Variants in CNTNAP5 observed in about 807,000 individuals in gnomAD.
The protein encoded by CNTNAP5 is contactin associated protein family member 5, also known as contactin-associated protein-like 5.
In CNTNAP5, 72 loss-of-function variants were observed where a neutral mutation model predicts 150.2. The observed-to-expected ratio is 0.48, with a 90% confidence interval of 0.40 to 0.58. The LOEUF (loss-of-function observed/expected upper bound fraction) is 0.58, where lower values mean the gene tolerates loss of function less well. Ranked by LOEUF, CNTNAP5 falls within the 20% of genes least tolerant of loss-of-function variation. The pLI, the probability that CNTNAP5 is intolerant of heterozygous loss-of-function variation, is 0.00. For missense variants in CNTNAP5, 1,636 were observed against 1,626.2 expected (o/e 1.01, Z -0.10); for synonymous variants, 672 against 619.8 (o/e 1.08, Z -1.25).
chr2:124,383,977 T>C (rs1690867144), intron 3 of CNTNAP5, among the ~76,000 whole-genome samples: 1 of 152,224 alleles, frequency 6.6e-6, no homozygotes. Flanking sequence ...GTTTTTCACA[T>C]TTCATTCATC....
chr2:124,816,898 C>A (rs986076659), intron 19 of CNTNAP5, among the ~76,000 whole-genome samples: 2 of 152,210 alleles, frequency 1.3e-5, no homozygotes, highest in Admixed American at 6.5e-5. Context: ...CCTAATCATG[C>A]GAATGATATC....
chr2:124,474,896 T>C lies in CNTNAP5; in HGVS notation c.1062+14T>C. ...ATCTATACTGTGGTAAGTCAGCCCA[T>C]CTGTTTTGTCTTGATGGTTTCTACC... On this transcript the variant is annotated intron_variant, in intron 7 of 23. Coordinates refer to ENST00000682447, the MANE Select transcript of CNTNAP5 (RefSeq NM_001367498.1). 3 of 1,585,730 alleles carry C rather than the reference T, an allele frequency of 1.9e-6. No individual in the cohort carries two copies. Among genetic ancestry groups the C allele is most frequent in the Non-Finnish European group, 2.6e-6 (3 of 1,171,296 alleles).
intron 1 of CNTNAP5, among the ~76,000 whole-genome samples, chr2:124,041,588 G>T (rs1681373819): frequency 6.6e-6 from 1 of 152,030 alleles, no homozygotes; most frequent in African/African-American, 2.4e-5. Flanking sequence ...TCAGATTAGT[G>T]GTTTTCAATC....
intron 1 of CNTNAP5, among the ~76,000 whole-genome samples, chr2:124,190,771 T>G (rs1009014931): frequency 1.3e-5 from 2 of 152,202 alleles, no homozygotes; most frequent in Non-Finnish European, 2.9e-5. Flanking sequence ...AATATACAAG[T>G]ATTACACACA....
intron 9 of CNTNAP5, among the ~76,000 whole-genome samples, chr2:124,525,108 CAT>C (rs1227769486): frequency 1.3e-5 from 2 of 152,176 alleles, no homozygotes; most frequent in Non-Finnish European, 2.9e-5. Flanking sequence ...TGAAGAAAAA[CAT>C]AATTAGGCAT....
At chr2:124,402,042 T>C (rs1188739860) in intron 3 of CNTNAP5, among the ~76,000 whole-genome samples, 1 of 152,144 alleles carries the variant, frequency 6.6e-6, no homozygotes, top group Non-Finnish European at 1.5e-5. Flanking sequence ...TAGGAAGGGG[T>C]TCCAGGAGTG....
At chr2:124,320,164 C>T (rs892301245) in intron 3 of CNTNAP5, among the ~76,000 whole-genome samples, 2 of 152,170 alleles carry the variant, frequency 1.3e-5, no homozygotes, top group Non-Finnish European at 2.9e-5. Flanking sequence ...TATGCTGCCT[C>T]ATTTATTTCT....
intron 1 of CNTNAP5, among the ~76,000 whole-genome samples, chr2:124,102,276 T>A (rs1340062662): frequency 6.6e-6 from 1 of 152,130 alleles, no homozygotes; most frequent in East Asian, 1.9e-4. Context: ...AAAAGAGTAA[T>A]AGTAAGTAAA....
chr2:124,369,674 A>C (rs372918092), intron 3 of CNTNAP5, among the ~76,000 whole-genome samples: 1 of 152,196 alleles, frequency 6.6e-6, no homozygotes, highest in African/African-American at 2.4e-5. Flanking sequence ...AAATAAAGAC[A>C]AGGTTTGTAA....
chr2:124,768,900 C>A (rs796475909), intron 16 of CNTNAP5, among the ~76,000 whole-genome samples: 21 of 152,316 alleles, frequency 1.4e-4, no homozygotes, highest in African/African-American at 4.8e-4. Flanking sequence ...TGGCTGCCAT[C>A]AGATCCTTGA....
At chr2:124,289,992 A>G (rs1688246528) in intron 3 of CNTNAP5, among the ~76,000 whole-genome samples, 1 of 152,188 alleles carries the variant, frequency 6.6e-6, no homozygotes, top group Non-Finnish European at 1.5e-5. Context: ...GAAATATGTC[A>G]CATTTTAAAA....
intron 4 of CNTNAP5, among the ~76,000 whole-genome samples, chr2:124,421,980 C>T (rs927984246): frequency 6.6e-6 from 1 of 152,186 alleles, no homozygotes; most frequent in African/African-American, 2.4e-5. Context: ...TACTTCTTTC[C>T]TGTTTACCTA....
chr2:124,736,251 A>T (rs1470597288), intron 13 of CNTNAP5, among the ~76,000 whole-genome samples: 1 of 152,136 alleles, frequency 6.6e-6, no homozygotes, highest in African/African-American at 2.4e-5. Flanking sequence ...ACAAAACAAA[A>T]CAAAACAAAA....
intron 2 of CNTNAP5, among the ~76,000 whole-genome samples, chr2:124,236,367 G>T (rs1438179109): frequency 2.6e-5 from 4 of 152,158 alleles, no homozygotes; most frequent in African/African-American, 9.6e-5. Flanking sequence ...TCCTGCACCT[G>T]CCCAGGAGCA....
At chr2:124,543,611 T>C (rs1219771253) in intron 10 of CNTNAP5, among the ~76,000 whole-genome samples, 1 of 152,222 alleles carries the variant, frequency 6.6e-6, no homozygotes, top group African/African-American at 2.4e-5. Context: ...AGGTTTCACA[T>C]TAGCCCAGAA....
chr2:124,537,074 G>C (rs1695252417), intron 10 of CNTNAP5, among the ~76,000 whole-genome samples: 1 of 151,820 alleles, frequency 6.6e-6, no homozygotes, highest in Non-Finnish European at 1.5e-5. Context: ...GAGACAGAGA[G>C]ACTAATCTTC....
chr2:124,463,365 A>G (rs545102687), intron 6 of CNTNAP5, among the ~76,000 whole-genome samples: 63 of 152,210 alleles, frequency 4.1e-4, no homozygotes, highest in Non-Finnish European at 8.4e-4. Context: ...AGAGAAAGGA[A>G]CTGTAGGCCT....
chr2:124,730,703 T>A (rs1313966091), intron 13 of CNTNAP5, among the ~76,000 whole-genome samples: 2 of 152,108 alleles, frequency 1.3e-5, no homozygotes, highest in Non-Finnish European at 2.9e-5. Context: ...AAACCAAAAT[T>A]GCCAATTTCA....
intron 6 of CNTNAP5, among the ~76,000 whole-genome samples, chr2:124,450,556 C>CAAAA (rs11299541): frequency 3.1e-5 from 2 of 65,000 alleles, no homozygotes; most frequent in African/African-American, 6.2e-5. Context: ...AATCTGCTGT[C>CAAAA]AAAAAAAAAA....
Sources: allele counts gnomAD v4.1 joint callset (sites outside exome capture counted in the v4.1 genomes callset), GRCh38; gene constraint gnomAD v4.1.1; transcripts MANE v1.5; gene names NCBI Gene and HGNC (gene_info 2026-07-23, HGNC 2026-07-21).